B4GALT6: variants seen among roughly 807,000 people sequenced by gnomAD.
B4GALT6 encodes the protein beta-1,4-galactosyltransferase 6.
B4GALT6 carries 14 observed loss-of-function variants against 46.3 expected under a neutral mutation model. That is an observed-to-expected ratio of 0.30 (90% CI 0.20 to 0.47). The LOEUF (loss-of-function observed/expected upper bound fraction) is 0.47, where lower values mean the gene tolerates loss of function less well. Ranked by LOEUF, B4GALT6 falls within the 20% of genes least tolerant of loss-of-function variation. The pLI is 0.99. For missense variants in B4GALT6, 386 were observed against 480.1 expected (o/e 0.80, Z 1.83); for synonymous variants, 168 against 162.0 (o/e 1.04, Z -0.28).
At chr18:31,686,863 A>G (rs2029940049), upstream of B4GALT6, 1 of 152,262 alleles carries the variant, frequency 6.6e-6, no homozygotes, top group Admixed American at 6.5e-5. Flanking sequence ...TAATACCACC[A>G]TACCACTAGT....
At chr18:31,665,614 C>T (rs1324477734) in intron 2 of B4GALT6, among the ~76,000 whole-genome samples, 2 of 152,028 alleles carry the variant, frequency 1.3e-5, no homozygotes, top group Non-Finnish European at 2.9e-5. Context: ...TGGTGATGGG[C>T]GCCTGTAATC....
At chr18:31,709,078 CAT>C in the B4GALT6 span, among the ~76,000 whole-genome samples, 1 of 152,170 alleles carries the variant, frequency 6.6e-6, no homozygotes, top group South Asian at 2.1e-4. Flanking sequence ...CCTCTCTGTG[CAT>C]CAGTTTCCTT....
chr18:31,676,136 G>A (rs2074411666), intron 1 of B4GALT6, among the ~76,000 whole-genome samples: 1 of 152,090 alleles, frequency 6.6e-6, no homozygotes, highest in Non-Finnish European at 1.5e-5. Context: ...GAGTCAAACT[G>A]AAAATTGCAC....
chr18:31,635,765 C>A (rs1211568416), intron 5 of B4GALT6, among the ~76,000 whole-genome samples: 1 of 152,126 alleles, frequency 6.6e-6, no homozygotes, highest in East Asian at 1.9e-4. Flanking sequence ...TTGCAGTGAG[C>A]TGAGATCGTG....
upstream of B4GALT6, chr18:31,685,658 T>G (rs577431736): frequency 5.8e-3 from 886 of 152,284 alleles, 10 homozygotes; most frequent in Non-Finnish European, 8.3e-3. Context: ...ACCGCGCTGC[T>G]GGGGGTTGAG....
At chr18:31,715,127 A>C in the B4GALT6 span, among the ~76,000 whole-genome samples, 1 of 152,224 alleles carries the variant, frequency 6.6e-6, no homozygotes, top group South Asian at 2.1e-4. Context: ...ACTCAGGTTT[A>C]GGAAGCCTGA....
At chr18:31,667,284 G>A (rs547388329) in intron 1 of B4GALT6, among the ~76,000 whole-genome samples, 1 of 152,064 alleles carries the variant, frequency 6.6e-6, no homozygotes, top group Non-Finnish European at 1.5e-5. Context: ...TAAACACAAA[G>A]CTAAAAAATC....
the B4GALT6 span, among the ~76,000 whole-genome samples, chr18:31,710,907 AC>A: frequency 2.0e-5 from 3 of 150,760 alleles, no homozygotes; most frequent in African/African-American, 7.3e-5. Flanking sequence ...TACTTCTATG[AC>A]CTGTGACGGC....
chr18:31,693,305 G>A, the B4GALT6 span, among the ~76,000 whole-genome samples: 3 of 152,184 alleles, frequency 2.0e-5, no homozygotes, highest in African/African-American at 7.2e-5. Context: ...CAGTACACAA[G>A]TACACCGGTA....
intron 2 of B4GALT6, 121 bp from the exon 3 acceptor site, chr18:31,658,210 A>C: frequency 1.5e-6 from 1 of 688,858 alleles, no homozygotes; most frequent in Non-Finnish European, 2.4e-6. Context: ...AAGTACTTAA[A>C]ATCAATTATC....
chr18:31,675,186 TTTAAG>T (rs2074402105), intron 1 of B4GALT6, among the ~76,000 whole-genome samples: 1 of 152,226 alleles, frequency 6.6e-6, no homozygotes, highest in African/African-American at 2.4e-5. Context: ...GTTTAACAAT[TTTAAG>T]TTATTTCTGG....
At chr18:31,656,763 G>A (rs1397169125) in intron 3 of B4GALT6, among the ~76,000 whole-genome samples, 1 of 152,204 alleles carries the variant, frequency 6.6e-6, no homozygotes, top group East Asian at 1.9e-4. Flanking sequence ...CTGGGAATGT[G>A]AAAAGATACT....
At chr18:31,650,584 G>C (rs1567969157) in intron 3 of B4GALT6, among the ~76,000 whole-genome samples, 2 of 152,234 alleles carry the variant, frequency 1.3e-5, no homozygotes, top group Admixed American at 1.3e-4. Flanking sequence ...TCTGAGCCTT[G>C]TTCTGGCTGC....
At chr18:31,652,739 G>A (rs934053673) in intron 3 of B4GALT6, among the ~76,000 whole-genome samples, 15 of 152,152 alleles carry the variant, frequency 9.9e-5, no homozygotes, top group African/African-American at 1.2e-4. Flanking sequence ...TCAACTGGTC[G>A]CCACATCTGG....
chr18:31,637,809 AGGTAACTGTAC>A (rs1488612574), intron 5 of B4GALT6, among the ~76,000 whole-genome samples: 4 of 152,272 alleles, frequency 2.6e-5, no homozygotes, highest in African/African-American at 9.6e-5. Context: ...AATATAACCA[AGGTAACTGTAC>A]GGTGCTTTGG....
upstream of B4GALT6, among the ~76,000 whole-genome samples, chr18:31,689,231 A>G (rs2030028462): frequency 6.6e-6 from 1 of 152,196 alleles, no homozygotes; most frequent in South Asian, 2.1e-4. Flanking sequence ...CTGCCAAACA[A>G]TAGCCACTGA....
chr18:31,694,844 A>G, the B4GALT6 span, among the ~76,000 whole-genome samples: 2 of 152,238 alleles, frequency 1.3e-5, no homozygotes, highest in Admixed American at 6.5e-5. Flanking sequence ...AATTTTATCC[A>G]TCTACATTTC....
chr18:31,661,760 G>GA (rs983908543), intron 2 of B4GALT6, among the ~76,000 whole-genome samples: 2 of 151,754 alleles, frequency 1.3e-5, no homozygotes, highest in Non-Finnish European at 2.9e-5. Flanking sequence ...AAATACAAAA[G>GA]AAAAAAAAGT....
chr18:31,660,105 T>C (rs2074194412), intron 2 of B4GALT6, among the ~76,000 whole-genome samples: 1 of 151,662 alleles, frequency 6.6e-6, no homozygotes, highest in Admixed American at 6.6e-5. Context: ...ACTACAATCA[T>C]GCACCACCAC....
Sources: allele counts gnomAD v4.1 joint callset (sites outside exome capture counted in the v4.1 genomes callset), GRCh38; gene constraint gnomAD v4.1.1; transcripts MANE v1.5; gene names NCBI Gene and HGNC (gene_info 2026-07-23, HGNC 2026-07-21).